The following PRH1 variants were observed in gnomAD, a reference collection of about 807,000 sequenced individuals.
PRH1 encodes proline rich protein HaeIII subfamily 1.
A neutral mutation model predicts 7.9 loss-of-function variants in PRH1; 7 were observed. The ratio of observed to expected loss-of-function variants is 0.89; its 90% CI spans 0.50 to 1.67. PRH1 has a LOEUF of 1.67. PRH1 is among the 40% of genes most tolerant of loss of function. PRH1 has a pLI of 0.00. For missense variants in PRH1, 109 were observed against 223.6 expected (o/e 0.49, Z 3.27); for synonymous variants, 45 against 80.8 (o/e 0.56, Z 2.38).
rs1943520656 is a variant in PRH1 at position 11,060,067 on chromosome 12, A to T, written n.124-12879T>A. Among the ~76,000 whole-genome samples, 12 of 152,054 alleles carry T rather than the reference A, an allele frequency of 7.9e-5. No individual in the cohort carries two copies. In the South Asian group the frequency reaches 2.1e-3, roughly 26 times the overall value. On this transcript the variant is annotated intron_variant and non_coding_transcript_variant, in intron 1 of 4. Coordinates refer to the PRH1 transcript ENST00000541977. ...TGTACTGAGGAAGATACATGATTTT[A>T]AAAAAACACATAAATCACATGTGGG...
At chr12:11,081,656 ACC>A (rs1480798568) in intron 1 of PRH1, among the ~76,000 whole-genome samples, 9 of 103,178 alleles carry the variant, frequency 8.7e-5, no homozygotes, top group Admixed American at 3.0e-4. Flanking sequence ...GACCAGAACT[ACC>A]TCTCAAAATA....
intron 2 of PRH1, among the ~76,000 whole-genome samples, chr12:10,954,958 A>T (rs1937878601): frequency 6.6e-6 from 1 of 152,216 alleles, no homozygotes; most frequent in Admixed American, 6.5e-5. Flanking sequence ...CTATTAAAAG[A>T]TTTAGAAAAT....
chr12:11,143,974 G>GC (rs934496904), intron 1 of PRH1, among the ~76,000 whole-genome samples: 1 of 152,188 alleles, frequency 6.6e-6, no homozygotes, highest in Non-Finnish European at 1.5e-5. Flanking sequence ...GGACACCAGT[G>GC]CATGTTCCAG....
At chr12:11,135,864 C>T (rs1158021852) in intron 1 of PRH1, among the ~76,000 whole-genome samples, 1 of 152,092 alleles carries the variant, frequency 6.6e-6, no homozygotes, top group Non-Finnish European at 1.5e-5. Context: ...GTTTATTTTT[C>T]CCCTCAGTAT....
At chr12:11,039,977 A>T (rs2136122910) in intron 1 of PRH1, among the ~76,000 whole-genome samples, 1 of 152,290 alleles carries the variant, frequency 6.6e-6, no homozygotes, top group East Asian at 1.9e-4. Context: ...TTCAATATTT[A>T]TCAAACTTAT....
intron 1 of PRH1, among the ~76,000 whole-genome samples, chr12:11,017,090 G>A (rs147531230): frequency 1.3e-5 from 2 of 152,380 alleles, no homozygotes; most frequent in African/African-American, 4.8e-5. Context: ...GCAGAGCAGA[G>A]CTCCTGGCAG....
chr12:11,125,644 T>C (rs942917510), intron 1 of PRH1, among the ~76,000 whole-genome samples: 2 of 152,294 alleles, frequency 1.3e-5, no homozygotes, highest in African/African-American at 4.8e-5. Context: ...GGTAAAAATA[T>C]GTGTATTATT....
intron 1 of PRH1, among the ~76,000 whole-genome samples, chr12:11,038,839 T>C (rs1162219218): frequency 6.8e-6 from 1 of 146,476 alleles, no homozygotes; most frequent in Non-Finnish European, 1.5e-5. Flanking sequence ...TCGGCCGAAA[T>C]GATGTCACAG....
At chr12:11,148,887 T>A (rs1946964286) in intron 1 of PRH1, among the ~76,000 whole-genome samples, 2 of 138,278 alleles carry the variant, frequency 1.4e-5, no homozygotes, top group African/African-American at 2.6e-5. Flanking sequence ...GTACCTCTGG[T>A]AGAATTCGGC....
intron 1 of PRH1, among the ~76,000 whole-genome samples, chr12:11,145,648 G>A: frequency 6.6e-6 from 1 of 152,290 alleles, no homozygotes; most frequent in East Asian, 1.9e-4. Context: ...ACTCCACATA[G>A]AGCACTTCCT....
chr12:10,943,144 G>T (rs1411798930), intron 2 of PRH1, among the ~76,000 whole-genome samples: 1 of 152,082 alleles, frequency 6.6e-6, no homozygotes, highest in Admixed American at 6.5e-5. Flanking sequence ...AGTCTTTCTG[G>T]AGCTAAAATT....
intron 1 of PRH1, among the ~76,000 whole-genome samples, chr12:11,067,890 A>T (rs1356989353): frequency 6.6e-6 from 1 of 152,202 alleles, no homozygotes; most frequent in Non-Finnish European, 1.5e-5. Flanking sequence ...TTTAAATTTT[A>T]ACTTGGATTT....
rs537086593 is a variant in PRH1, at chr12:11,023,871, C to G, written c.-126+23149G>C. Reference sequence around the variant, plus strand: ...CAAAGACATAATGATACACAATTATCTAACTCAGTTTTCTCTTGCAGAAAA... The same window carrying G: ...CAAAGACATAATGATACACAATTATGTAACTCAGTTTTCTCTTGCAGAAAA... On this transcript the variant is annotated intron_variant, in intron 1 of 3. Transcript: ENST00000539853. 2.6e-5 allele frequency among the ~76,000 whole-genome samples: 4 copies of G among 151,312 alleles called. No homozygotes were observed. The South Asian group carries it at 8.5e-4, about 32-fold the overall frequency.
intron 1 of PRH1, among the ~76,000 whole-genome samples, chr12:11,149,126 G>T (rs1461181327): frequency 3.3e-5 from 5 of 151,720 alleles, no homozygotes; most frequent in Admixed American, 1.3e-4. Context: ...TGGGATCGGT[G>T]GTGATATCCC....
At chr12:11,146,659 T>G (rs768160677) in intron 1 of PRH1, among the ~76,000 whole-genome samples, 24 of 152,274 alleles carry the variant, frequency 1.6e-4, no homozygotes, top group Non-Finnish European at 2.4e-4. Context: ...TCACCTACCC[T>G]GAATTTATAA....
At chr12:10,940,189 T>C (rs1950375740) in intron 2 of PRH1, among the ~76,000 whole-genome samples, 1 of 152,136 alleles carries the variant, frequency 6.6e-6, no homozygotes, top group South Asian at 2.1e-4. Flanking sequence ...ATTTTACTTT[T>C]TACAAGTACA....
chr12:10,969,592 T>C (rs949995694), intron 2 of PRH1, among the ~76,000 whole-genome samples: 2 of 152,216 alleles, frequency 1.3e-5, no homozygotes, highest in African/African-American at 4.8e-5. Context: ...CTAAAAATCA[T>C]AGCAAACATG....
rs140401518 is a variant in PRH1, at chr12:10,993,282, G to A, written c.-125-19561C>T. On this transcript the variant is annotated intron_variant, in intron 1 of 3. Transcript: ENST00000539853. ...TTGGTGAGGTAAGAACAAAAGCACT[G>A]CTTCACTGTTTTATGTCATGGCTAC... 1.9e-3 allele frequency among the ~76,000 whole-genome samples: 284 copies of A among 152,258 alleles called. 2 individuals are homozygous for A. Among genetic ancestry groups the A allele is most frequent in the African/African-American group, 6.4e-3 (268 of 41,558 alleles).
chr12:10,908,545 A>G (rs1949841209), intron 2 of PRH1: 1 of 1,614,018 alleles, frequency 6.2e-7, no homozygotes, highest in Non-Finnish European at 8.5e-7. Context: ...TCAGAAATCC[A>G]TGATATGAGA....
Sources: gnomAD v4.1 joint callset for allele counts (sites outside exome capture counted in the v4.1 genomes callset) on GRCh38, gnomAD v4.1.1 for gene constraint, MANE v1.5 for transcripts, NCBI Gene and HGNC (gene_info 2026-07-23, HGNC 2026-07-21) for gene names.